CBLC: variants seen among roughly 807,000 people sequenced by gnomAD.
CBLC encodes the protein E3 ubiquitin-protein ligase CBL-C.
Under a neutral mutation model 58.6 loss-of-function variants are expected in CBLC, and 46 were observed. That is an observed-to-expected ratio of 0.79 (90% CI 0.62 to 1.00). The LOEUF is 1.00. Among genes scored for constraint, CBLC ranks in the 50% least tolerant of loss-of-function variants. The pLI is 0.00. For missense variants in CBLC, 655 were observed against 625.8 expected (o/e 1.05, Z -0.50); for synonymous variants, 271 against 264.2 (o/e 1.03, Z -0.25).
At chr19:44,786,364 C>T (rs922656165) in intron 5 of CBLC, among the ~76,000 whole-genome samples, 4 of 151,306 alleles carry the variant, frequency 2.6e-5, no homozygotes, top group African/African-American at 7.3e-5. Flanking sequence ...CACCGAGTCG[C>T]GCAGAACACG....
In CBLC at chr19:44,784,950, G is replaced by GTTTTTTTTTTTTT. The variant is rs58171575; in HGVS notation, c.917+576_917+588dup. 6.1e-4 allele frequency among the ~76,000 whole-genome samples: 21 copies of GTTTTTTTTTTTTT among 34,372 alleles called. 6 individuals carry two copies. Among genetic ancestry groups the GTTTTTTTTTTTTT allele is most frequent in the Non-Finnish European group, 9.2e-4 (14 of 15,214 alleles). 22.5% of individuals were successfully genotyped at this position (34,372 alleles called of 152,430 possible). A position where few individuals can be genotyped will look rare whatever the true frequency, so the allele number is the denominator to read the frequency against. On this transcript the variant is annotated intron_variant, in intron 5 of 10. Transcript: ENST00000647358. ...GAACTGGAGAACTTGCTAGACAGGTGTTTTTTTTTTTTTTTTTTTTTTTTT... is the reference window on the plus strand; with the variant it reads ...GAACTGGAGAACTTGCTAGACAGGTGTTTTTTTTTTTTTTTTTTTTTTTTTTTTTTTTTTTTTT...
At chr19:44,781,460 C>A in intron 3 of CBLC, 97 bp downstream of exon 3, 7 of 1,179,476 alleles carry the variant, frequency 5.9e-6, no homozygotes, top group Non-Finnish European at 8.3e-6. Flanking sequence ...AGGGCCGGGA[C>A]CTGGACTCCT....
At chr19:44,798,113 TGACCACTGAG>T (rs1232914009) in intron 9 of CBLC, among the ~76,000 whole-genome samples, 2 of 152,138 alleles carry the variant, frequency 1.3e-5, no homozygotes, top group African/African-American at 4.8e-5. Context: ...ATCACCCCAC[TGACCACTGAG>T]GACCTCTCTG....
chr19:44,778,931 C>G (rs959126873), intron 1 of CBLC, among the ~76,000 whole-genome samples: 1 of 152,022 alleles, frequency 6.6e-6, no homozygotes, highest in Non-Finnish European at 1.5e-5. Flanking sequence ...CCAGCCCCTC[C>G]TTCCTAAGGG....
chr19:44,784,775 AG>A (rs957489813), intron 5 of CBLC, among the ~76,000 whole-genome samples: 3 of 151,898 alleles, frequency 2.0e-5, no homozygotes, highest in Non-Finnish European at 4.4e-5. Flanking sequence ...CATGCTGCCC[AG>A]GCTGGTCTGG....
chr19:44,789,470 C>A (rs1015485517), intron 5 of CBLC, among the ~76,000 whole-genome samples: 7 of 151,676 alleles, frequency 4.6e-5, no homozygotes, highest in Non-Finnish European at 8.8e-5. Flanking sequence ...ATGGCATGAT[C>A]TTGGCTCACT....
intron 9 of CBLC, among the ~76,000 whole-genome samples, chr19:44,795,645 A>AT (rs886566767): frequency 5.3e-5 from 8 of 151,788 alleles, no homozygotes; most frequent in Admixed American, 5.2e-4. Context: ...AAAAAAAAAA[A>AT]GAAAAGATGA....
chr19:44,780,371 A>C (rs1967687760), intron 1 of CBLC, among the ~76,000 whole-genome samples: 1 of 151,690 alleles, frequency 6.6e-6, no homozygotes, highest in Admixed American at 6.6e-5. Context: ...CCTGACCTCA[A>C]GTGATCCACC....
Position 44,778,188 on chromosome 19 carries a change from A to G in CBLC, c.257A>G (p.Asn86Ser), listed in dbSNP as rs1212319676. 1.4e-5 allele frequency: 21 copies of G among 1,525,910 alleles called. No homozygotes were observed. The highest frequency in any genetic ancestry group is 1.6e-5 in the Non-Finnish European group (18 of 1,139,398). 94.5% of individuals were successfully genotyped at this position (1,525,910 alleles called of 1,614,324 possible). Reference sequence around the variant, plus strand: ...GACTTTCTACTCATCTACCTGGCCAATCTGGAGGCCAAGAGCAGGCAGGTG... The same window carrying G: ...GACTTTCTACTCATCTACCTGGCCAGTCTGGAGGCCAAGAGCAGGCAGGTG... Reference protein sequence around the residue: ...SGDFLLIYLANLEAKSRQVAA... With the variant: ...SGDFLLIYLASLEAKSRQVAA... Residue 86 changes from asparagine (N) to serine (S), a missense_variant, in exon 1 of 11, where the codon AAT becomes AGT. Around this residue, in one of 3 missense-constraint regions of CBLC, gnomAD observed 280 missense variants for 237.2 expected, o/e 1.18. Transcript: ENST00000647358.
intron 5 of CBLC, 41 bp downstream of exon 5, chr19:44,784,442 C>G: frequency 6.5e-7 from 1 of 1,530,506 alleles, no homozygotes; most frequent in Non-Finnish European, 8.9e-7. Context: ...TCAGCAAAAT[C>G]TGGTTGGAAA....
At chr19:44,798,777 C>T (rs1326662208) in intron 9 of CBLC, among the ~76,000 whole-genome samples, 1 of 152,098 alleles carries the variant, frequency 6.6e-6, no homozygotes, top group Non-Finnish European at 1.5e-5. Flanking sequence ...ACTGGCTCCC[C>T]AGGGCTCTAA....
chr19:44,782,280 A>C lies in CBLC; in HGVS notation c.658-90A>C, dbSNP rs374084641. The stretch of plus-strand genomic sequence containing the variant: ...CTGAGGCCCACCATGGGTGTGAAGG[A>C]GGTGGTTGGATCCTCGAGCCCTAGG... On this transcript the variant is annotated intron_variant, in intron 3 of 10. Coordinates refer to ENST00000647358, the MANE Select transcript of CBLC (RefSeq NM_012116.4). 1.2e-5 allele frequency: 18 copies of C among 1,564,644 alleles called. No individual in the cohort carries two copies. The African/African-American group carries it at 2.0e-4, about 18-fold the overall frequency.
intron 8 of CBLC, 167 bp from the exon 9 acceptor site, chr19:44,794,037 G>A (rs1968125334): frequency 1.3e-6 from 1 of 790,554 alleles, no homozygotes; most frequent in Non-Finnish European, 1.5e-6. Context: ...CTGGGGCTGT[G>A]GCTTTCCCTG....
At chr19:44,797,505 CCTT>C (rs1351276584) in intron 9 of CBLC, among the ~76,000 whole-genome samples, 1 of 151,784 alleles carries the variant, frequency 6.6e-6, no homozygotes, top group Non-Finnish European at 1.5e-5. Flanking sequence ...CCTGCCTCGG[CCTT>C]CTTAAGTGCT....
intron 9 of CBLC, among the ~76,000 whole-genome samples, chr19:44,797,322 C>A (rs2927443): frequency 0.021 from 3,157 of 152,064 alleles, 110 homozygotes; most frequent in African/African-American, 0.069. Context: ...ACGATCTCAG[C>A]CCATTGCAAC....
intron 5 of CBLC, among the ~76,000 whole-genome samples, chr19:44,788,529 G>A (rs922537497): frequency 5.5e-5 from 8 of 144,924 alleles, no homozygotes; most frequent in Non-Finnish European, 7.5e-5. Flanking sequence ...GCCCAGGCTC[G>A]AGTGCAGTGG....
intron 5 of CBLC, among the ~76,000 whole-genome samples, chr19:44,785,663 C>T (rs1051718619): frequency 4.6e-5 from 7 of 151,480 alleles, no homozygotes; most frequent in Admixed American, 2.0e-4. Context: ...TGGTGGGGCA[C>T]GGTGGTTCAC....
rs765404486 is a variant in CBLC at position 44,784,281 on chromosome 19, G to A, written c.797G>A (p.Ser266Asn). The change falls in exon 5 of 11, where the codon AGC (serine) becomes AAC (asparagine). Residue 266 changes from serine (S) to asparagine (N), a missense_variant. Around this residue, in one of 3 missense-constraint regions of CBLC, gnomAD observed 371 missense variants for 370.8 expected, o/e 1.00. Coordinates refer to ENST00000647358, the MANE Select transcript of CBLC (RefSeq NM_012116.4). ...DKPGSYIFRP[S>N]CTRLGQWAIG... ...CCCTCCAGTTACATCTTCCGGCCCA[G>A]CTGTACTCGCCTGGGGCAGTGGGCC... 1.3e-6 allele frequency: 2 copies of A among 1,575,660 alleles called. No homozygotes were observed. Among genetic ancestry groups the A allele is most frequent in the Non-Finnish European group, 1.7e-6 (2 of 1,149,470 alleles).
intron 5 of CBLC, among the ~76,000 whole-genome samples, chr19:44,784,622 G>A (rs2122427394): frequency 6.6e-6 from 1 of 152,338 alleles, no homozygotes; most frequent in African/African-American, 2.4e-5. Context: ...ATCGGGCCCA[G>A]CCACAGCTCC....
Sources: gnomAD v4.1 joint callset for allele counts (sites outside exome capture counted in the v4.1 genomes callset) on GRCh38, gnomAD v4.1.1 for gene constraint, gnomAD v4.1.1 regional missense constraint, MANE v1.5 for transcripts, NCBI Gene and HGNC (gene_info 2026-07-23, HGNC 2026-07-21) for gene names.